Variants in TBCK observed in about 807,000 individuals in gnomAD.
The protein encoded by TBCK is TBC1 domain containing kinase.
In TBCK, 99 loss-of-function variants were observed where a neutral mutation model predicts 113.4. The ratio of observed to expected loss-of-function variants is 0.87; its 90% CI spans 0.74 to 1.03. The LOEUF (loss-of-function observed/expected upper bound fraction) is 1.03. TBCK is among the 50% of genes least tolerant of loss of function. The pLI is 0.00. For synonymous variants in TBCK, 369 were observed against 370.8 expected (o/e 1.00, Z 0.05); for missense variants, 1,045 against 1,061.3 (o/e 0.98, Z 0.21).
At chr4:106,302,036 G>A (rs1162864780) in intron 2 of TBCK, among the ~76,000 whole-genome samples, 1 of 152,098 alleles carries the variant, frequency 6.6e-6, no homozygotes, top group South Asian at 2.1e-4. Context: ...TTACTCTAAC[G>A]GTAAATTATT....
In TBCK at chr4:106,049,076, A is replaced by G. The variant is rs546694149; in HGVS notation, c.2572-2396T>C. ...CCTCTGATGCTCTGCTGTGTTTTCA[A>G]TTATCCATGTTAAATACTGGCCCCT... On this transcript the variant is annotated intron_variant, in intron 25 of 25. Coordinates refer to ENST00000394708, the MANE Select transcript of TBCK (RefSeq NM_001163435.3). Among the ~76,000 whole-genome samples the G allele has an allele frequency of 2.0e-5, 3 of 152,274 alleles. No homozygotes were observed. The South Asian group carries it at 6.2e-4, about 32-fold the overall frequency.
intron 25 of TBCK, among the ~76,000 whole-genome samples, chr4:106,060,478 A>G (rs186055023): frequency 3.7e-4 from 56 of 151,904 alleles, no homozygotes; most frequent in Non-Finnish European, 4.4e-5. Context: ...ACCTGTTTGC[A>G]GCATGGTTAC....
intron 9 of TBCK, 192 bp from the exon 10 acceptor site, chr4:106,247,479 T>A (rs1760971159): frequency 2.0e-6 from 1 of 504,592 alleles, no homozygotes; most frequent in African/African-American, 2.0e-5. Flanking sequence ...AATACTGAAT[T>A]TTTTTTACTT....
intron 23 of TBCK, among the ~76,000 whole-genome samples, chr4:106,149,515 T>A (rs148127121): frequency 1.3e-3 from 202 of 152,192 alleles, no homozygotes; most frequent in African/African-American, 4.6e-3. Context: ...GGGAGACACA[T>A]GAAGAGGGAG....
chr4:106,066,675 A>C (rs1199973322), intron 25 of TBCK, among the ~76,000 whole-genome samples: 1 of 151,850 alleles, frequency 6.6e-6, no homozygotes, highest in African/African-American at 2.4e-5. Context: ...TTAAGCATTA[A>C]TTTCCATTCC....
At chr4:106,099,847 CAG>C (rs1386463271) in intron 24 of TBCK, among the ~76,000 whole-genome samples, 3 of 152,092 alleles carry the variant, frequency 2.0e-5, no homozygotes, top group African/African-American at 7.2e-5. Flanking sequence ...ACAATATTGA[CAG>C]AGAAAAAATT....
chr4:106,248,921 C>T lies in TBCK; in HGVS notation c.720G>A (p.Lys240=), dbSNP rs575805235. Residue 240 remains lysine (K), a splice_region_variant and synonymous_variant, in exon 8 of 26, where the codon AAG becomes AAA. Coordinates refer to ENST00000394708, the MANE Select transcript of TBCK (RefSeq NM_001163435.3). ...AEEHGCLDII[K]ELPETVIDLL... ...ACTAAGACCCAGATTAATGACAAACCTTTATAATGTCCAAACAACCATGCT... is the reference window on the plus strand; with the variant it reads ...ACTAAGACCCAGATTAATGACAAACTTTTATAATGTCCAAACAACCATGCT... The T allele has an allele frequency of 6.2e-7, 1 of 1,605,084 alleles. No individual in the cohort carries two copies. The highest frequency in any genetic ancestry group is 8.5e-7 in the Non-Finnish European group (1 of 1,176,930).
intron 23 of TBCK, among the ~76,000 whole-genome samples, chr4:106,120,444 T>G (rs1055656572): frequency 1.3e-5 from 2 of 152,246 alleles, no homozygotes; most frequent in African/African-American, 4.8e-5. Context: ...CTGGGAAGCT[T>G]GAACTGGGTG....
intron 23 of TBCK, among the ~76,000 whole-genome samples, chr4:106,168,442 G>C (rs1454643962): frequency 6.6e-6 from 1 of 151,874 alleles, no homozygotes; most frequent in East Asian, 1.9e-4. Context: ...ACAAGGTAAG[G>C]ATGTCCTCTC....
chr4:106,228,740 T>C (rs1758508912), intron 19 of TBCK, among the ~76,000 whole-genome samples: 1 of 152,024 alleles, frequency 6.6e-6, no homozygotes, highest in Non-Finnish European at 1.5e-5. Context: ...ACTCATTTCC[T>C]TTCTTTTGGG....
chr4:106,283,909 C>G (rs568021795), intron 3 of TBCK, among the ~76,000 whole-genome samples: 2 of 152,220 alleles, frequency 1.3e-5, no homozygotes, highest in Admixed American at 1.3e-4. Context: ...AATAGCCAAG[C>G]TGTTTGTTAG....
At chr4:106,294,536 C>A (rs953991243) in intron 3 of TBCK, among the ~76,000 whole-genome samples, 1 of 150,846 alleles carries the variant, frequency 6.6e-6, no homozygotes, top group Non-Finnish European at 1.5e-5. Flanking sequence ...GGCAGGAGTG[C>A]GGTGGTGCAA....
chr4:106,287,009 C>CAT (rs895624488), intron 3 of TBCK, among the ~76,000 whole-genome samples: 1 of 152,182 alleles, frequency 6.6e-6, no homozygotes, highest in African/African-American at 2.4e-5. Flanking sequence ...AAAGAAGGAC[C>CAT]ATATACAGGC....
chr4:106,157,485 C>A (rs1215985448), intron 23 of TBCK, among the ~76,000 whole-genome samples: 3 of 152,126 alleles, frequency 2.0e-5, no homozygotes, highest in African/African-American at 4.8e-5. Context: ...ACACTTTAGC[C>A]CAGGGTGATA....
chr4:106,181,105 T>C lies in TBCK; in HGVS notation c.2060-9835A>G, dbSNP rs189978245. Among the ~76,000 whole-genome samples, 587 of 152,306 alleles carry C rather than the reference T, an allele frequency of 3.9e-3. 4 individuals carry two copies. The highest frequency in any genetic ancestry group is 0.013 in the African/African-American group (558 of 41,566). ...TCTCATTGTGGTTTTGATTTGCATT[T>C]CTCTAATGACCAGTGATGATGAGCA... On this transcript the variant is annotated intron_variant, in intron 22 of 25. Coordinates refer to ENST00000394708, the MANE Select transcript of TBCK (RefSeq NM_001163435.3).
chr4:106,286,205 C>T (rs1453198849), intron 3 of TBCK, among the ~76,000 whole-genome samples: 1 of 152,126 alleles, frequency 6.6e-6, no homozygotes. Context: ...CCTGTTAAGG[C>T]TACTATATGT....
chr4:106,272,412 T>C (rs944476848), intron 3 of TBCK, among the ~76,000 whole-genome samples: 4 of 152,134 alleles, frequency 2.6e-5, no homozygotes, highest in African/African-American at 4.8e-5. Flanking sequence ...TTAATTTCTT[T>C]TGACGCTGAT....
chr4:106,129,387 G>A (rs1307672801), intron 23 of TBCK, among the ~76,000 whole-genome samples: 4 of 152,120 alleles, frequency 2.6e-5, no homozygotes, highest in Admixed American at 1.3e-4. Flanking sequence ...GTGAACATGC[G>A]GTGTTTGGTT....
At chr4:106,272,999 A>T (rs918253542) in intron 3 of TBCK, among the ~76,000 whole-genome samples, 37 of 152,178 alleles carry the variant, frequency 2.4e-4, no homozygotes, top group African/African-American at 8.9e-4. Context: ...CAGTTAAAAT[A>T]ATAGCAATGA....
Sources: gnomAD v4.1 joint callset for allele counts (sites outside exome capture counted in the v4.1 genomes callset) on GRCh38, gnomAD v4.1.1 for gene constraint, MANE v1.5 for transcripts, NCBI Gene and HGNC (gene_info 2026-07-23, HGNC 2026-07-21) for gene names.